Variants in PVT1 observed in about 807,000 individuals in gnomAD.
PVT1 encodes Pvt1 oncogene.
At chr8:127,863,052 A>C (rs1434279151) in intron 2 of PVT1, among the ~76,000 whole-genome samples, 1 of 151,760 alleles carries the variant, frequency 6.6e-6, no homozygotes, top group Non-Finnish European at 1.5e-5. Context: ...ACAAGGATCT[A>C]CCCCATTAAT....
chr8:128,096,270 T>G (rs1313654183), intron 5 of PVT1, among the ~76,000 whole-genome samples: 2 of 152,186 alleles, frequency 1.3e-5, no homozygotes, highest in Non-Finnish European at 2.9e-5. Context: ...ATCTGTAAAA[T>G]GGCAATGTTC....
chr8:127,861,530 C>T (rs1815228189), intron 2 of PVT1, among the ~76,000 whole-genome samples: 1 of 151,134 alleles, frequency 6.6e-6, no homozygotes, highest in South Asian at 2.1e-4. Context: ...ATCTTGTTGT[C>T]TTGCTTTCAG....
intron 3 of PVT1, among the ~76,000 whole-genome samples, chr8:127,902,350 G>A (rs886585722): frequency 6.6e-6 from 1 of 151,882 alleles, no homozygotes; most frequent in South Asian, 2.1e-4. Flanking sequence ...ACTTGGTTCC[G>A]GCTGTGTGCA....
At chr8:128,005,643 G>A (rs984744413) in intron 4 of PVT1, among the ~76,000 whole-genome samples, 1 of 152,164 alleles carries the variant, frequency 6.6e-6, no homozygotes, top group African/African-American at 2.4e-5. Flanking sequence ...GGCTCCTGCT[G>A]TACTCCCTGC....
chr8:127,853,067 G>A (rs1639458328), intron 2 of PVT1, among the ~76,000 whole-genome samples: 1 of 152,196 alleles, frequency 6.6e-6, no homozygotes, highest in African/African-American at 2.4e-5. Flanking sequence ...CATCTCCCAT[G>A]GACAAGATCA....
chr8:127,886,913 T>C (rs1050961122), intron 2 of PVT1, among the ~76,000 whole-genome samples: 7 of 152,204 alleles, frequency 4.6e-5, no homozygotes, highest in African/African-American at 1.7e-4. Context: ...TGAGTGATAC[T>C]TGGTAAGGAC....
At chr8:128,001,431 T>C (rs191324437) in intron 4 of PVT1, among the ~76,000 whole-genome samples, 2 of 151,924 alleles carry the variant, frequency 1.3e-5, no homozygotes, top group African/African-American at 4.8e-5. Flanking sequence ...AAATGTGGGC[T>C]GAGTGCTTCT....
chr8:127,806,201 G>GC (rs2129651285), intron 2 of PVT1, among the ~76,000 whole-genome samples: 1 of 152,300 alleles, frequency 6.6e-6, no homozygotes, highest in South Asian at 2.1e-4. Context: ...CGTGGCTCAT[G>GC]CCTATAATCC....
chr8:127,954,574 T>C (rs1655724477), intron 3 of PVT1, among the ~76,000 whole-genome samples: 1 of 152,304 alleles, frequency 6.6e-6, no homozygotes, highest in African/African-American at 2.4e-5. Flanking sequence ...ATTACAGGCA[T>C]GAGCCACTGC....
chr8:128,030,593 G>C (rs1813376565), intron 4 of PVT1, among the ~76,000 whole-genome samples: 2 of 152,170 alleles, frequency 1.3e-5, no homozygotes, highest in Admixed American at 6.5e-5. Context: ...AAGCTTCTCT[G>C]GGAAGGCTTT....
intron 3 of PVT1, among the ~76,000 whole-genome samples, chr8:127,978,343 A>G (rs1459679995): frequency 1.3e-5 from 2 of 151,578 alleles, no homozygotes; most frequent in Non-Finnish European, 2.9e-5. Context: ...TTTTTTTTGT[A>G]GAGACAGTAT....
intron 3 of PVT1, among the ~76,000 whole-genome samples, chr8:127,923,489 C>T (rs1056278055): frequency 6.6e-6 from 1 of 152,182 alleles, no homozygotes; most frequent in African/African-American, 2.4e-5. Flanking sequence ...CCTCAGAAGG[C>T]GTTCCTGGTC....
chr8:127,852,029 A>C (rs1815112135), intron 2 of PVT1: 1 of 152,228 alleles, frequency 6.6e-6, no homozygotes, highest in Non-Finnish European at 1.5e-5. Context: ...TCTGGAGCCA[A>C]ACTGGCCTGT....
chr8:127,799,152 A>G (rs1190474853), intron 2 of PVT1, among the ~76,000 whole-genome samples: 1 of 148,362 alleles, frequency 6.7e-6, no homozygotes, highest in African/African-American at 2.5e-5. Context: ...GGTATGGCAT[A>G]TTGTTTTGTT....
At chr8:127,936,033 TC>T (rs1427546572) in intron 3 of PVT1, among the ~76,000 whole-genome samples, 37 of 133,590 alleles carry the variant, frequency 2.8e-4, no homozygotes, top group African/African-American at 1.0e-3. Flanking sequence ...TCTCTCTCTC[TC>T]TTTTTTTTTT....
intron 4 of PVT1, among the ~76,000 whole-genome samples, chr8:128,037,050 C>T (rs1007392194): frequency 1.3e-5 from 2 of 152,228 alleles, no homozygotes; most frequent in Non-Finnish European, 2.9e-5. Context: ...CCCCTCTCCT[C>T]CTGACCAGTC....
At chr8:127,975,961 T>G (rs556453096) in intron 3 of PVT1, among the ~76,000 whole-genome samples, 1 of 152,192 alleles carries the variant, frequency 6.6e-6, no homozygotes, top group African/African-American at 2.4e-5. Context: ...TGTCTGACAT[T>G]GAGTGCCTGG....
intron 3 of PVT1, among the ~76,000 whole-genome samples, chr8:127,955,645 C>T (rs1816559675): frequency 6.8e-6 from 1 of 147,776 alleles, no homozygotes; most frequent in Non-Finnish European, 1.5e-5. Flanking sequence ...TGCAGTGGTG[C>T]AATCTCGGCC....
intron 4 of PVT1, among the ~76,000 whole-genome samples, chr8:128,045,347 C>A (rs577331349): frequency 2.6e-4 from 39 of 152,274 alleles, no homozygotes; most frequent in African/African-American, 8.9e-4. Flanking sequence ...CCATTGAAGA[C>A]CTGGAAAACA....
Sources: allele counts gnomAD v4.1 joint callset (sites outside exome capture counted in the v4.1 genomes callset), GRCh38; gene constraint gnomAD v4.1.1; transcripts MANE v1.5; gene names NCBI Gene and HGNC (gene_info 2026-07-23, HGNC 2026-07-21).